The following WAPL variants were observed in gnomAD, a reference collection of about 807,000 sequenced individuals.
WAPL encodes the protein wings apart-like protein homolog.
In WAPL, 5 loss-of-function variants were observed where a neutral mutation model predicts 121.0. The ratio of observed to expected loss-of-function variants is 0.04; its 90% confidence interval spans 0.02 to 0.09. The LOEUF is 0.09. Ranked by LOEUF, WAPL falls within the 10% of genes least tolerant of loss-of-function variation. WAPL has a pLI of 1.00. For missense variants in WAPL, 999 were observed against 1,410.8 expected, an observed-to-expected ratio of 0.71 and a Z score of 4.68; for synonymous variants, 480 against 481.5, an observed-to-expected ratio of 1.00 and a Z score of 0.04.
intron 4 of WAPL, among the ~76,000 whole-genome samples, chr10:86,478,247 G>A (rs1279897633): frequency 2.0e-5 from 3 of 152,024 alleles, no homozygotes; most frequent in Middle Eastern, 3.4e-3. Context: ...TGTGCAACAC[G>A]GTGAAACTCA....
At chr10:86,460,857 G>C (rs1161113238) in intron 10 of WAPL, among the ~76,000 whole-genome samples, 1 of 152,088 alleles carries the variant, frequency 6.6e-6, no homozygotes, top group Admixed American at 6.6e-5. Flanking sequence ...GGGATTACAA[G>C]CATGCACCAC....
rs907750850 is a variant in WAPL at position 86,483,280 on chromosome 10, C to T, written c.1645-9307G>A. Among the ~76,000 whole-genome samples the T allele has an allele frequency of 7.2e-5, 11 of 151,964 alleles. 1 individual carries two copies. Among genetic ancestry groups the T allele is most frequent in the South Asian group, 2.1e-4 (1 of 4,814 alleles). On this transcript the variant is annotated intron_variant, in intron 4 of 18. Transcript: ENST00000298767. ...TATGAAAAATACAAAATTGGCTGGG[C>T]GTGGAGGTGCATGCCTGTAATCCCA...
intron 2 of WAPL, among the ~76,000 whole-genome samples, chr10:86,502,271 G>T (rs1452150911): frequency 6.6e-6 from 1 of 152,150 alleles, no homozygotes; most frequent in Non-Finnish European, 1.5e-5. Context: ...TAAAAAGAAT[G>T]AGGCAGCTCT....
At chr10:86,456,854 A>G (rs1207940640) in intron 12 of WAPL, among the ~76,000 whole-genome samples, 4 of 152,186 alleles carry the variant, frequency 2.6e-5, no homozygotes, top group Non-Finnish European at 5.9e-5. Context: ...TCTGTATGCT[A>G]TCTCCGAATT....
intron 2 of WAPL, among the ~76,000 whole-genome samples, chr10:86,513,359 G>T (rs1017899738): frequency 6.6e-6 from 1 of 152,076 alleles, no homozygotes; most frequent in East Asian, 1.9e-4. Context: ...TATTGAGTTG[G>T]AGTCTTGCTC....
At chr10:86,488,355 T>C (rs1251170430) in intron 4 of WAPL, 2 of 152,196 alleles carry the variant, frequency 1.3e-5, no homozygotes, top group Non-Finnish European at 2.9e-5. Flanking sequence ...CCATTCTCCA[T>C]GAACTGCAAA....
intron 15 of WAPL, 122 bp from the exon 16 acceptor site, chr10:86,446,571 A>AATTTTTT: frequency 8.9e-7 from 1 of 1,127,218 alleles, no homozygotes; most frequent in Non-Finnish European, 1.2e-6. Flanking sequence ...TATGTGATAA[A>AATTTTTT]AAGAGGTGAG....
At chr10:86,483,784 ATTTTTTTTTCT>A (rs1841855826) in intron 4 of WAPL, among the ~76,000 whole-genome samples, 2 of 131,368 alleles carry the variant, frequency 1.5e-5, no homozygotes. Context: ...AAAAAAAAAA[ATTTTTTTTTCT>A]TTTTTTTTTT....
rs1339716928 is a variant in WAPL at position 86,453,739 on chromosome 10, T to C, written c.2750A>G (p.Asn917Ser). 1.2e-6 allele frequency: 2 copies of C among 1,614,092 alleles called. No individual in the cohort carries two copies. Among genetic ancestry groups the C allele is most frequent in the African/African-American group, 2.7e-5 (2 of 74,944 alleles). Reference protein sequence around the residue: ...LADSKPLPHQNVTNHVGKAVE... With the variant: ...LADSKPLPHQSVTNHVGKAVE... ...TGCTTTGCCTACATGGTTAGTTACATTCTGGTGAGGCAGAGGCTTACTGTC... is the reference window on the plus strand; with the variant it reads ...TGCTTTGCCTACATGGTTAGTTACACTCTGGTGAGGCAGAGGCTTACTGTC... Residue 917 changes from asparagine to serine, a missense_variant, in exon 13 of 19, where the codon AAT becomes AGT. Transcript: ENST00000298767.
intron 12 of WAPL, among the ~76,000 whole-genome samples, chr10:86,456,399 G>T (rs1311805668): frequency 2.3e-5 from 3 of 128,430 alleles, no homozygotes; most frequent in East Asian, 2.6e-4. Context: ...AAAACTTTAT[G>T]ATACCAAAAA....
At chr10:86,490,038 ACC>A (rs1842010966) in intron 4 of WAPL, among the ~76,000 whole-genome samples, 1 of 152,090 alleles carries the variant, frequency 6.6e-6, no homozygotes, top group Admixed American at 6.6e-5. Context: ...AACAGGTGAA[ACC>A]CCATATCTAC....
intron 4 of WAPL, among the ~76,000 whole-genome samples, chr10:86,476,273 G>A (rs1390871004): frequency 6.6e-6 from 1 of 152,180 alleles, no homozygotes; most frequent in African/African-American, 2.4e-5. Context: ...GCTGAGGGAG[G>A]AGAATTGCTA....
At chr10:86,473,663 A>G (rs956387856) in intron 5 of WAPL, among the ~76,000 whole-genome samples, 8 of 152,184 alleles carry the variant, frequency 5.3e-5, no homozygotes, top group African/African-American at 1.9e-4. Context: ...TATGGCTTTC[A>G]TTGTTTAACC....
chr10:86,438,404 C>A (rs1849379830), intron 17 of WAPL, among the ~76,000 whole-genome samples: 1 of 152,186 alleles, frequency 6.6e-6, no homozygotes, highest in African/African-American at 2.4e-5. Context: ...AAGGCACGTG[C>A]CACCATGCCT....
At chr10:86,466,434 G>A (rs1270439463) in intron 9 of WAPL, among the ~76,000 whole-genome samples, 1 of 152,040 alleles carries the variant, frequency 6.6e-6, no homozygotes, top group Non-Finnish European at 1.5e-5. Flanking sequence ...GCCAGATATG[G>A]TGGCATACAC....
intron 4 of WAPL, among the ~76,000 whole-genome samples, chr10:86,486,169 G>C (rs994548498): frequency 1.2e-4 from 19 of 152,152 alleles, no homozygotes; most frequent in Non-Finnish European, 2.1e-4. Context: ...ATGATGACTG[G>C]ATCTCAAGAT....
At chr10:86,510,464 T>C (rs1842440279) in intron 2 of WAPL, among the ~76,000 whole-genome samples, 1 of 152,228 alleles carries the variant, frequency 6.6e-6, no homozygotes. Flanking sequence ...TGTTAGAAGC[T>C]AGTTCTTTAT....
chr10:86,453,351 G>T lies in WAPL; in HGVS notation c.2834-16C>A. The T allele has an allele frequency of 1.2e-6, 2 of 1,611,224 alleles. No homozygotes were observed. The highest frequency in any genetic ancestry group is 1.7e-6 in the Non-Finnish European group (2 of 1,177,898). On this transcript the variant is annotated splice_polypyrimidine_tract_variant and intron_variant, in intron 13 of 18. Transcript: ENST00000298767. ...CTGCCCCACTCTGAAATAAGAAATG[G>T]ATACAGGAAAATGGTTACTGATTCT...
rs750831454 is a variant in WAPL, at chr10:86,453,220, C to T, written c.2949G>A (p.Leu983=). 6.2e-7 allele frequency: 1 copy of T among 1,613,640 alleles called. No homozygotes were observed. The highest frequency in any genetic ancestry group is 8.5e-7 in the Non-Finnish European group (1 of 1,179,772). The stretch of plus-strand genomic sequence containing the variant: ...TTCTGAAAAAGTCATTTCAACTTAC[C>T]AGCACTCGAATATCAAATCTCTGCT... The part of the protein sequence containing the change: ...PQEQRFDIRV[L]GLGLLINLVE... Residue 983 remains leucine, a splice_region_variant and synonymous_variant, in exon 14 of 19, where the codon CTG becomes CTA. Coordinates refer to ENST00000298767, the MANE Select transcript of WAPL (RefSeq NM_015045.5).
Sources: allele counts gnomAD v4.1 joint callset (sites outside exome capture counted in the v4.1 genomes callset), GRCh38; gene constraint gnomAD v4.1.1; transcripts MANE v1.5; gene names NCBI Gene and HGNC (gene_info 2026-07-23, HGNC 2026-07-21).